Variants in GCC2 observed in about 807,000 individuals in gnomAD.
GCC2 encodes the protein GRIP and coiled-coil domain containing 2.
In GCC2, 120 loss-of-function variants were observed where a neutral mutation model predicts 210.6. That is an observed-to-expected ratio of 0.57 (90% confidence interval 0.49 to 0.66). GCC2 has a LOEUF of 0.66. GCC2 is among the 30% of genes least tolerant of loss of function. The pLI is 0.00. For missense variants in GCC2, 1,868 were observed against 1,871.9 expected, an observed-to-expected ratio of 1.00 and a Z score of 0.04; for synonymous variants, 703 against 652.7, an observed-to-expected ratio of 1.08 and a Z score of -1.17.
At position 108,452,095 on chromosome 2, in the gene GCC2, C is replaced by T. The variant is rs533417060; in HGVS notation, c.149-304C>T. On this transcript the variant is annotated intron_variant, in intron 3 of 22. Coordinates refer to ENST00000309863, the MANE Select transcript of GCC2 (RefSeq NM_181453.4). ...GTTTATTCTTAATATGTGATTGTTG[C>T]TTTAAGGTTATACAGTAAGATGTAC... Among the ~76,000 whole-genome samples the T allele has an allele frequency of 3.9e-5, 6 of 151,996 alleles. No homozygotes were observed. In the South Asian group the frequency reaches 1.2e-3, roughly 32 times the overall value.
intron 4 of GCC2, 144 bp downstream of exon 4, chr2:108,452,610 G>C: frequency 5.0e-6 from 3 of 599,264 alleles, no homozygotes; most frequent in Non-Finnish European, 9.2e-6. Flanking sequence ...ACTGTAAAAA[G>C]AGGGGGTTAA....
intron 22 of GCC2, among the ~76,000 whole-genome samples, chr2:108,507,313 G>C (rs969352373): frequency 1.3e-5 from 2 of 151,414 alleles, no homozygotes; most frequent in African/African-American, 4.9e-5. Flanking sequence ...AGAATCACTT[G>C]AGCCTGGGAG....
rs150938411 is a variant in GCC2 at position 108,471,340 on chromosome 2, G to A, written c.2011G>A (p.Val671Ile). The change falls in exon 6 of 23, where the codon GTT (valine) becomes ATT (isoleucine). Residue 671 changes from valine to isoleucine, a missense_variant. Val to Ile is a conservative substitution (Grantham distance 29). Coordinates refer to ENST00000309863, the MANE Select transcript of GCC2 (RefSeq NM_181453.4). The stretch of plus-strand genomic sequence containing the variant: ...TGACCAAAAACTAGAAAAACTTATG[G>A]TTCAAATGAAAGTTCTCTCTGAAGA... The part of the protein sequence containing the change: ...QNDQKLEKLM[V>I]QMKVLSEDKE... 90 of 1,611,784 alleles carry A rather than the reference G, an allele frequency of 5.6e-5. No individual in the cohort carries two copies. Among genetic ancestry groups the A allele is most frequent in the Non-Finnish European group, 7.5e-5 (88 of 1,179,360 alleles).
rs1681112493 is a variant in GCC2, at chr2:108,470,122, G to A, written c.793G>A (p.Glu265Lys). ...GTGCCAGATTGAAGCATCAGCTAAG[G>A]AACATGAAGCAGAGATAAATAAGTT... ...LMCQIEASAKEHEAEINKLNE... is the reference protein window; with the variant it reads ...LMCQIEASAKKHEAEINKLNE... The change falls in exon 6 of 23, where the codon GAA (glutamate) becomes AAA (lysine). Residue 265 changes from glutamate to lysine, a missense_variant. Coordinates refer to ENST00000309863, the MANE Select transcript of GCC2 (RefSeq NM_181453.4). The A allele has an allele frequency of 1.2e-6, 2 of 1,613,578 alleles. No individual in the cohort carries two copies. The highest frequency in any genetic ancestry group is 8.5e-7 in the Non-Finnish European group (1 of 1,179,832).
In GCC2 at chr2:108,475,622, C is replaced by A; in HGVS notation, c.2948C>A (p.Ser983Tyr). The change falls in exon 8 of 23, where the codon TCC (serine) becomes TAC (tyrosine). Residue 983 changes from serine to tyrosine, a missense_variant. Physicochemically the swap from Ser to Tyr is moderately radical, Grantham distance 144. Transcript: ENST00000309863. ...GTAAAGGCAAAGAAAGAACTAGATT[C>A]CAGCAGAAAAGAGGTGAGCTGACTT... ...VAVKAKKELDSSRKETQTVKE... is the reference protein window; with the variant it reads ...VAVKAKKELDYSRKETQTVKE... 6.5e-7 allele frequency: 1 copy of A among 1,539,718 alleles called. No individual in the cohort carries two copies. The highest frequency in any genetic ancestry group is 2.3e-5 in the East Asian group (1 of 43,836).
chr2:108,493,245 A>C, intron 19 of GCC2: 2 of 349,310 alleles, frequency 5.7e-6, no homozygotes, highest in Non-Finnish European at 4.2e-6. Flanking sequence ...GCCTGCCACC[A>C]GGCCGGCTAA....
At chr2:108,479,321 A>C (rs922627459) in intron 9 of GCC2, among the ~76,000 whole-genome samples, 1 of 152,146 alleles carries the variant, frequency 6.6e-6, no homozygotes, top group East Asian at 1.9e-4. Context: ...AATTAGAAAC[A>C]AAAGTGCGTT....
chr2:108,472,213 A>AT (rs1681271942), intron 6 of GCC2, 97 bp downstream of exon 6: 23 of 843,246 alleles, frequency 2.7e-5, no homozygotes, highest in Non-Finnish European at 3.7e-5. Context: ...TCAAAAGTAA[A>AT]TTTTTACCAT....
Position 108,472,179 on chromosome 2 carries a change from G to A in GCC2, c.2787+63G>A, listed in dbSNP as rs538330724. 3.5e-5 allele frequency: 41 copies of A among 1,161,236 alleles called. No homozygotes were observed. The South Asian group carries it at 6.6e-4, about 19-fold the overall frequency. The allele number at this position is 1,161,236 out of a possible 1,614,324, so 71.9% of individuals were successfully genotyped here. A position where few individuals can be genotyped will look rare whatever the true frequency, so the allele number is the denominator to read the frequency against. On this transcript the variant is annotated intron_variant, in intron 6 of 22. Coordinates refer to ENST00000309863, the MANE Select transcript of GCC2 (RefSeq NM_181453.4). ...CTTAGTTCAACTCTACAATATATACGTTAAACATTTTTACACCTTGACGTC... is the reference window on the plus strand; with the variant it reads ...CTTAGTTCAACTCTACAATATATACATTAAACATTTTTACACCTTGACGTC...
intron 4 of GCC2, among the ~76,000 whole-genome samples, chr2:108,468,574 C>G (rs967542614): frequency 4.6e-5 from 7 of 152,078 alleles, no homozygotes; most frequent in Non-Finnish European, 1.5e-5. Context: ...TTATTTCTTG[C>G]TTACTCTCTG....
Position 108,451,013 on chromosome 2 carries a change from G to A in GCC2, c.64-15G>A. On this transcript the variant is annotated splice_polypyrimidine_tract_variant and intron_variant, in intron 2 of 22. Coordinates refer to ENST00000309863, the MANE Select transcript of GCC2 (RefSeq NM_181453.4). ...ATGAGTTATAACAAGTTGGTAACATGACCACATCTTTCAGCTGGAAACATT... is the reference window on the plus strand; with the variant it reads ...ATGAGTTATAACAAGTTGGTAACATAACCACATCTTTCAGCTGGAAACATT... The A allele has an allele frequency of 6.3e-7, 1 of 1,579,352 alleles. No homozygotes were observed. The highest frequency in any genetic ancestry group is 1.1e-5 in the South Asian group (1 of 90,096).
intron 4 of GCC2, among the ~76,000 whole-genome samples, chr2:108,463,984 C>T (rs184212274): frequency 6.6e-6 from 1 of 151,926 alleles, no homozygotes; most frequent in Non-Finnish European, 1.5e-5. Context: ...CTGGACAATA[C>T]CTAGTCCCCT....
In GCC2 at chr2:108,494,985, T is replaced by C. The variant is rs563810913; in HGVS notation, c.4448-306T>C. On this transcript the variant is annotated intron_variant, in intron 19 of 22. Transcript: ENST00000309863. ...TGCCACCGTGCCTGGCTGATTTTTG[T>C]ATTTTTAGTAGAGATAGGGTTTCAC... 7.2e-3 allele frequency: 1,178 copies of C among 164,084 alleles called. 5 individuals are homozygous for C. The highest frequency in any genetic ancestry group is 0.025 in the Middle Eastern group (8 of 322). 10.2% of individuals were successfully genotyped at this position (164,084 alleles called of 1,614,324 possible).
rs1679993056 is a variant in GCC2 at position 108,452,414 on chromosome 2, T to G, written c.164T>G (p.Ile55Ser). ...KSRCTELEKE[I>S]EELRSKPVTE... ...AATTGTTTAGAATTGGAGAAAGAAA[T>G]TGAAGAACTCAGATCAAAACCTGTT... The change falls in exon 4 of 23, where the codon ATT (isoleucine) becomes AGT (serine). Residue 55 changes from isoleucine to serine, a missense_variant. Coordinates refer to ENST00000309863, the MANE Select transcript of GCC2 (RefSeq NM_181453.4). 6.5e-7 allele frequency: 1 copy of G among 1,532,750 alleles called. No homozygotes were observed. The highest frequency in any genetic ancestry group is 1.7e-5 in the Admixed American group (1 of 59,644). 94.9% of individuals were successfully genotyped at this position (1,532,750 alleles called of 1,614,324 possible). A position where few individuals can be genotyped will look rare whatever the true frequency, so the allele number is the denominator to read the frequency against.
intron 18 of GCC2, chr2:108,490,229 C>T: frequency 2.7e-6 from 1 of 365,328 alleles, no homozygotes; most frequent in South Asian, 1.3e-4. Context: ...TCTATCTGCT[C>T]ATCCAGTATT....
At chr2:108,484,370 G>T in intron 13 of GCC2, 59 bp downstream of exon 13, 1 of 957,970 alleles carries the variant, frequency 1.0e-6, no homozygotes, top group Non-Finnish European at 1.5e-6. Flanking sequence ...ACTTGATTTG[G>T]TGGGGGGCAT....
Position 108,475,622 on chromosome 2 carries a change from C to G in GCC2, c.2948C>G (p.Ser983Cys), listed in dbSNP as rs770097002. ...VAVKAKKELDSSRKETQTVKE... is the reference protein window; with the variant it reads ...VAVKAKKELDCSRKETQTVKE... ...GTAAAGGCAAAGAAAGAACTAGATT[C>G]CAGCAGAAAAGAGGTGAGCTGACTT... Residue 983 changes from serine (S) to cysteine (C), a missense_variant, in exon 8 of 23, where the codon TCC becomes TGC. This residue lies in a region of GCC2 where 1,847 missense variants were observed against 1,765.2 expected (regional missense o/e 1.05). Coordinates refer to ENST00000309863, the MANE Select transcript of GCC2 (RefSeq NM_181453.4). 3 of 1,539,602 alleles carry G rather than the reference C, an allele frequency of 1.9e-6. No homozygotes were observed. Among genetic ancestry groups the G allele is most frequent in the South Asian group, 2.5e-5 (2 of 81,326 alleles).
chr2:108,488,503 A>G (rs1232745576), intron 17 of GCC2, among the ~76,000 whole-genome samples: 2 of 152,236 alleles, frequency 1.3e-5, no homozygotes, highest in African/African-American at 2.4e-5. Flanking sequence ...AATGCTAAGC[A>G]TACTTATTTG....
chr2:108,482,386 A>T lies in GCC2; in HGVS notation c.3280A>T (p.Arg1094Ter). The stretch of plus-strand genomic sequence containing the variant: ...AGAAGTACAGATTTTAGAAGTCCAG[A>T]GAGCCAAAGCAATGGTAGACAAAGA... ...LLEVQILEVQ[R>*]AKAMVDKELE... Residue 1094 changes from arginine to a stop codon, truncating the protein, a stop_gained, in exon 11 of 23, where the codon AGA (arginine) becomes TGA (stop). Transcript: ENST00000309863. LOFTEE classifies it high-confidence loss of function. 6.3e-7 allele frequency: 1 copy of T among 1,587,814 alleles called. No homozygotes were observed. The highest frequency in any genetic ancestry group is 8.6e-7 in the Non-Finnish European group (1 of 1,156,376).
Sources: gnomAD v4.1 joint callset for allele counts (sites outside exome capture counted in the v4.1 genomes callset) on GRCh38, gnomAD v4.1.1 for gene constraint, gnomAD v4.1.1 regional missense constraint, MANE v1.5 for transcripts, NCBI Gene and HGNC (gene_info 2026-07-23, HGNC 2026-07-21) for gene names.